ZSCAN25: variants seen among roughly 807,000 people sequenced by gnomAD.
The protein encoded by ZSCAN25 is zinc finger and SCAN domain-containing protein 25.
A neutral mutation model predicts 38.7 loss-of-function variants in ZSCAN25; 27 were observed. The observed-to-expected ratio is 0.70, with a 90% CI of 0.51 to 0.96. The LOEUF is 0.96. Ranked by LOEUF, ZSCAN25 falls within the 40% of genes least tolerant of loss-of-function variation. The pLI is 0.00. For synonymous variants in ZSCAN25, 273 were observed against 277.7 expected (o/e 0.98, Z 0.17); for missense variants, 637 against 705.9 (o/e 0.90, Z 1.11).
chr7:99,624,083 C>G lies in ZSCAN25; in HGVS notation c.708C>G (p.Ala236=), dbSNP rs767596612. The G allele has an allele frequency of 6.2e-7, 1 of 1,614,130 alleles. No individual in the cohort carries two copies. Among genetic ancestry groups the G allele is most frequent in the East Asian group, 2.2e-5 (1 of 44,888 alleles). The change falls in exon 7 of 8, where the codon GCC becomes GCG. Residue 236 remains alanine, a synonymous_variant. Coordinates refer to ENST00000394152, the MANE Select transcript of ZSCAN25 (RefSeq NM_145115.3). The stretch of plus-strand genomic sequence containing the variant: ...GGTTGGGGCCATTTAAAGATATGGC[C>G]CTGGCCTTCCCTGAGGAGGAGTGGA... ...SQGLGPFKDM[A]LAFPEEEWRH...
chr7:99,695,589 C>T, the ZSCAN25 span, among the ~76,000 whole-genome samples: 1 of 152,056 alleles, frequency 6.6e-6, no homozygotes, highest in Non-Finnish European at 1.5e-5. Flanking sequence ...AAGAGAGTCC[C>T]GGGGTAAACC....
At chr7:99,662,975 TC>T in the ZSCAN25 span, 1 of 1,565,848 alleles carries the variant, frequency 6.4e-7, no homozygotes, top group Non-Finnish European at 8.7e-7. The surrounding 1 kb of genome is among the most constrained non-coding windows in gnomAD (Gnocchi z 4.3). Flanking sequence ...CTTCTTGACT[TC>T]CCTCCCTCAA....
chr7:99,676,181 A>C, the ZSCAN25 span: 5 of 1,613,790 alleles, frequency 3.1e-6, no homozygotes, highest in Non-Finnish European at 4.2e-6. Context: ...CCAGTCTCTT[A>C]AAAAGTCCAT....
At chr7:99,659,004 T>A in the ZSCAN25 span, 1 of 152,234 alleles carries the variant, frequency 6.6e-6, no homozygotes, top group Non-Finnish European at 1.5e-5. Flanking sequence ...TCAAGGTTTT[T>A]AACTTCTTTG....
chr7:99,661,635 G>A, the ZSCAN25 span, among the ~76,000 whole-genome samples: 1 of 152,190 alleles, frequency 6.6e-6, no homozygotes, highest in Non-Finnish European at 1.5e-5. Context: ...AATAAATATG[G>A]TGCCTGCAGC....
At chr7:99,626,322 G>A (rs1160162601) in intron 7 of ZSCAN25, among the ~76,000 whole-genome samples, 1 of 152,230 alleles carries the variant, frequency 6.6e-6, no homozygotes, top group East Asian at 1.9e-4. Context: ...CCGCTGAGGA[G>A]TCCGTGAGGA....
the ZSCAN25 span, chr7:99,707,954 T>C: frequency 6.2e-7 from 1 of 1,613,926 alleles, no homozygotes; most frequent in East Asian, 2.2e-5. Context: ...ATCTATGTTG[T>C]CCTTGTTCTT....
chr7:99,718,136 G>T, the ZSCAN25 span, among the ~76,000 whole-genome samples: 1 of 152,080 alleles, frequency 6.6e-6, no homozygotes, highest in South Asian at 2.1e-4. Context: ...GTGGGGAGAG[G>T]GGGGAAGGAT....
At chr7:99,685,864 A>C in the ZSCAN25 span, among the ~76,000 whole-genome samples, 1 of 152,236 alleles carries the variant, frequency 6.6e-6, no homozygotes. Context: ...GACTCCCAGC[A>C]TCACGTTCTT....
At chr7:99,674,204 A>G in the ZSCAN25 span, 1 of 207,282 alleles carries the variant, frequency 4.8e-6, no homozygotes. Flanking sequence ...TGCCTGTCCA[A>G]CCTTGGTGTG....
At chr7:99,679,143 G>A in the ZSCAN25 span, among the ~76,000 whole-genome samples, 1 of 152,114 alleles carries the variant, frequency 6.6e-6, no homozygotes, top group Non-Finnish European at 1.5e-5. Context: ...CTTCCTCCAG[G>A]TCTCCTTTGC....
chr7:99,702,352 A>C, the ZSCAN25 span, among the ~76,000 whole-genome samples: 1 of 152,232 alleles, frequency 6.6e-6, no homozygotes, highest in African/African-American at 2.4e-5. Flanking sequence ...CAGCCTCTCA[A>C]AGTGCTGGGA....
chr7:99,633,305 G>A (rs992908777), downstream of ZSCAN25, among the ~76,000 whole-genome samples: 7 of 152,150 alleles, frequency 4.6e-5, no homozygotes, highest in African/African-American at 1.7e-4. Context: ...GACATGCCCT[G>A]TTTCTCTTCA....
chr7:99,689,583 C>T, the ZSCAN25 span, among the ~76,000 whole-genome samples: 6 of 152,276 alleles, frequency 3.9e-5, no homozygotes, highest in African/African-American at 9.6e-5. Context: ...TCTCCTTAAG[C>T]TGATAAGCAA....
the ZSCAN25 span, chr7:99,731,069 G>A: frequency 6.2e-7 from 1 of 1,613,760 alleles, no homozygotes; most frequent in East Asian, 2.2e-5. Flanking sequence ...CTTACGGAAG[G>A]ACAAAGCATT....
At chr7:99,722,294 A>G in the ZSCAN25 span, 1 of 1,613,296 alleles carries the variant, frequency 6.2e-7, no homozygotes, top group Non-Finnish European at 8.5e-7. Flanking sequence ...CAGAATACTC[A>G]CCCCCAGACT....
At chr7:99,641,261 CCTT>C in the ZSCAN25 span, among the ~76,000 whole-genome samples, 6 of 152,142 alleles carry the variant, frequency 3.9e-5, no homozygotes, top group Admixed American at 6.5e-5. Flanking sequence ...GCAAACATGT[CCTT>C]CTTCATATGG....
At chr7:99,683,035 TATATCATTTGGAAATCATTTGGAA>T in the ZSCAN25 span, among the ~76,000 whole-genome samples, 2 of 152,242 alleles carry the variant, frequency 1.3e-5, no homozygotes, top group Admixed American at 6.5e-5. Flanking sequence ...AGTGTTTCCA[TATATCATTTGGAAATCATTTGGAA>T]ATATCATTTG....
the ZSCAN25 span, chr7:99,735,002 G>T: frequency 6.2e-7 from 1 of 1,613,814 alleles, no homozygotes; most frequent in Non-Finnish European, 8.5e-7. Flanking sequence ...ACAGAGAAGA[G>T]GAGCCTGAAC....
Sources: allele counts gnomAD v4.1 joint callset (sites outside exome capture counted in the v4.1 genomes callset), GRCh38; gene constraint gnomAD v4.1.1; non-coding constraint Gnocchi (gnomAD v3.1); transcripts MANE v1.5; gene names NCBI Gene and HGNC (gene_info 2026-07-23, HGNC 2026-07-21).